Variants in JUP observed in about 807,000 individuals in gnomAD.
JUP encodes catenin (cadherin-associated protein), gamma 80kDa.
A neutral mutation model predicts 71.1 loss-of-function variants in JUP; 28 were observed. That is an observed-to-expected ratio of 0.39 (90% confidence interval 0.29 to 0.54). The LOEUF is 0.54. JUP is among the 20% of genes least tolerant of loss of function. The pLI, the probability that JUP is intolerant of heterozygous loss-of-function variation, is 0.62. For missense variants in JUP, 869 were observed against 1,030.1 expected, an observed-to-expected ratio of 0.84 and a Z score of 2.14; for synonymous variants, 401 against 438.9, an observed-to-expected ratio of 0.91 and a Z score of 1.08.
At position 41,783,273 on chromosome 17, in the gene JUP, A is replaced by G. The variant is rs1024045131; in HGVS notation, c.-9+3315T>C. 5.5e-5 allele frequency among the ~76,000 whole-genome samples: 8 copies of G among 145,424 alleles called. No homozygotes were observed. In the Admixed American group the frequency reaches 5.9e-4, roughly 11 times the overall value. On this transcript the variant is annotated intron_variant, in intron 1 of 13. Transcript: ENST00000393931. Reference sequence around the variant, plus strand: ...CAATTTCCTCCTCTGTAGAATGCGAATAATGATACGCGTTTTTTTTGTTTT... The same window carrying G: ...CAATTTCCTCCTCTGTAGAATGCGAGTAATGATACGCGTTTTTTTTGTTTT...
At chr17:41,780,359 T>C (rs1321226007) in intron 1 of JUP, among the ~76,000 whole-genome samples, 1 of 151,808 alleles carries the variant, frequency 6.6e-6, no homozygotes, top group African/African-American at 2.4e-5. Context: ...ATCACGCCAC[T>C]GCACTCTAGC....
intron 1 of JUP, among the ~76,000 whole-genome samples, chr17:41,782,550 G>A (rs1363152899): frequency 6.6e-6 from 1 of 151,972 alleles, no homozygotes; most frequent in Non-Finnish European, 1.5e-5. Context: ...CCCAAGCTAG[G>A]AGGCAGCACA....
At chr17:41,783,294 G>GT (rs34800389) in intron 1 of JUP, among the ~76,000 whole-genome samples, 114 of 106,922 alleles carry the variant, frequency 1.1e-3, no homozygotes, top group African/African-American at 3.1e-3. Flanking sequence ...CGTTTTTTTT[G>GT]TTTTTTTTTT....
intron 12 of JUP, among the ~76,000 whole-genome samples, chr17:41,756,501 G>A (rs1913776614): frequency 6.6e-6 from 1 of 152,224 alleles, no homozygotes; most frequent in Admixed American, 6.5e-5. Context: ...TCGGGAGGCT[G>A]AGGCAGGAGA....
intron 1 of JUP, among the ~76,000 whole-genome samples, chr17:41,777,168 A>C (rs1333736545): frequency 1.3e-5 from 2 of 152,150 alleles, no homozygotes; most frequent in African/African-American, 4.8e-5. Flanking sequence ...TGGGGAGGTC[A>C]AGGGAACATG....
intron 1 of JUP, among the ~76,000 whole-genome samples, chr17:41,774,901 G>C (rs376241769): frequency 7.2e-5 from 11 of 152,010 alleles, no homozygotes; most frequent in African/African-American, 2.6e-4. Context: ...AGGAGTTCAA[G>C]ACCATCCTGG....
intron 10 of JUP, 70 bp downstream of exon 10, chr17:41,758,329 C>G (rs1474801849): frequency 2.5e-6 from 4 of 1,599,668 alleles, no homozygotes; most frequent in African/African-American, 1.3e-5. Flanking sequence ...CCTCCCAAAT[C>G]TGGGACTCCT....
rs782005417 is a variant in JUP, at chr17:41,755,732, G to A, written c.*12C>T. The stretch of plus-strand genomic sequence containing the variant: ...AGCCTGCAAAGAGGGGGCCGTACTG[G>A]GGCCAGGCCGCCTAGGCCAGCATGT... On this transcript the variant is annotated 3_prime_UTR_variant, in exon 14 of 14. Coordinates refer to ENST00000393931, the MANE Select transcript of JUP (RefSeq NM_002230.4). The A allele has an allele frequency of 6.4e-7, 1 of 1,569,024 alleles. No homozygotes were observed. Among genetic ancestry groups the A allele is most frequent in the Admixed American group, 1.8e-5 (1 of 56,016 alleles).
intron 1 of JUP, chr17:41,776,091 G>A: frequency 1.7e-6 from 1 of 577,788 alleles, no homozygotes; most frequent in Non-Finnish European, 2.2e-6. Flanking sequence ...GGACAGGAGT[G>A]GGTTACCCCA....
intron 12 of JUP, among the ~76,000 whole-genome samples, chr17:41,757,004 A>G (rs11869903): frequency 0.73 from 110,407 of 152,146 alleles, 40,398 homozygotes; most frequent in African/African-American, 0.76. Context: ...GTGCCCTGAT[A>G]TACTCATGTC....
intron 5 of JUP, among the ~76,000 whole-genome samples, chr17:41,765,351 T>C (rs528137276): frequency 1.4e-4 from 21 of 146,692 alleles, no homozygotes; most frequent in Non-Finnish European, 2.2e-4. Context: ...CCCCAATAAG[T>C]TTTTTTGTTT....
chr17:41,768,014 G>A (rs11657482), intron 4 of JUP, among the ~76,000 whole-genome samples: 1 of 152,222 alleles, frequency 6.6e-6, no homozygotes, highest in African/African-American at 2.4e-5. Flanking sequence ...TGTAAACTCA[G>A]CGCTTGGGGA....
intron 2 of JUP, 45 bp downstream of exon 2, chr17:41,771,602 C>G (rs1916656256): frequency 1.3e-6 from 2 of 1,571,210 alleles, no homozygotes; most frequent in Non-Finnish European, 1.7e-6. Flanking sequence ...CTCCAGGACC[C>G]AGGCAGGTTT....
chr17:41,762,154 AGAGAGAGAGAGAGAGAGAGAGAGTGTGT>A (rs1914934252), intron 8 of JUP, among the ~76,000 whole-genome samples: 2 of 115,588 alleles, frequency 1.7e-5, no homozygotes, highest in African/African-American at 6.3e-5. Flanking sequence ...AGAGAGAGAG[AGAGAGAGAGAGAGAGAGAGAGAGTGTGT>A]GTGTGTGTGT....
intron 1 of JUP, 48 bp from the exon 2 acceptor site, chr17:41,771,910 A>C (rs1426655344): frequency 2.0e-6 from 3 of 1,491,324 alleles, no homozygotes; most frequent in Non-Finnish European, 2.7e-6. Flanking sequence ...CACCTGGCCC[A>C]GCCCCCAGCT....
intron 7 of JUP, among the ~76,000 whole-genome samples, 186 bp downstream of exon 7, chr17:41,764,527 T>C (rs1555603023): frequency 4.0e-5 from 4 of 98,984 alleles, no homozygotes; most frequent in Admixed American, 2.6e-4. Flanking sequence ...AGAGTGAGAC[T>C]CCGTCAGAAA....
chr17:41,763,798 G>A (rs1369724766), intron 7 of JUP, among the ~76,000 whole-genome samples: 1 of 152,106 alleles, frequency 6.6e-6, no homozygotes, highest in Non-Finnish European at 1.5e-5. Flanking sequence ...ACCACCCTGG[G>A]GCCCTGAGCC....
chr17:41,762,922 A>G (rs782133766), intron 8 of JUP, 61 bp downstream of exon 8: 75 of 1,456,874 alleles, frequency 5.1e-5, no homozygotes, highest in Non-Finnish European at 7.0e-5. Context: ...GGCTTTGCCT[A>G]TACCAATACA....
rs1555598894 is a variant in JUP at position 41,757,668 on chromosome 17, G to T, written c.1890C>A (p.Leu630=). The change falls in exon 11 of 14, where the codon CTC becomes CTA. Residue 630 remains leucine (L), a synonymous_variant. Coordinates refer to ENST00000393931, the MANE Select transcript of JUP (RefSeq NM_002230.4). ...AIDAEGASAP[L]MELLHSRNEG... ...CGTTGCGGGAGTGCAGCAACTCCAT[G>T]AGTGGGGCCGAGGCCCCCTCTGCAT... The T allele has an allele frequency of 6.2e-7, 1 of 1,613,586 alleles. No homozygotes were observed. Among genetic ancestry groups the T allele is most frequent in the South Asian group, 1.1e-5 (1 of 91,028 alleles).
Sources: gnomAD v4.1 joint callset for allele counts (sites outside exome capture counted in the v4.1 genomes callset) on GRCh38, gnomAD v4.1.1 for gene constraint, MANE v1.5 for transcripts, NCBI Gene and HGNC (gene_info 2026-07-23, HGNC 2026-07-21) for gene names.